The following RGS8 variants were observed in gnomAD, a reference collection of about 807,000 sequenced individuals.
RGS8 encodes regulator of G protein signaling 8.
RGS8 carries 8 observed loss-of-function variants against 21.7 expected under a neutral mutation model. The ratio of observed to expected loss-of-function variants is 0.37; its 90% CI spans 0.22 to 0.66. The LOEUF (loss-of-function observed/expected upper bound fraction) is 0.66, where lower values mean the gene tolerates loss of function less well. Among genes scored for constraint, RGS8 ranks in the 30% least tolerant of loss-of-function variants. The probability of loss-of-function intolerance (pLI) is 0.59; values close to 1 mark genes in which losing one functional copy is unlikely to be tolerated. For missense variants in RGS8, 157 were observed against 217.9 expected (o/e 0.72, Z 1.76); for synonymous variants, 80 against 83.6 (o/e 0.96, Z 0.24).
chr1:182,713,245 G>A, the RGS8 span, among the ~76,000 whole-genome samples: 50 of 152,298 alleles, frequency 3.3e-4, 1 homozygote, highest in East Asian at 9.1e-3. Context: ...GTGCAGTGGT[G>A]TGATCTCGGC....
intron 5 of RGS8, among the ~76,000 whole-genome samples, chr1:182,665,637 G>A (rs1031001188): frequency 5.3e-5 from 8 of 152,162 alleles, no homozygotes; most frequent in African/African-American, 1.7e-4. Context: ...AACAAGATCT[G>A]GCTGGAACCT....
At chr1:182,649,761 A>C (rs987786103) in intron 5 of RGS8, among the ~76,000 whole-genome samples, 5 of 152,340 alleles carry the variant, frequency 3.3e-5, no homozygotes, top group Admixed American at 6.5e-5. Flanking sequence ...ATCAAATAAC[A>C]GCTATAGTTT....
chr1:182,687,083 C>A (rs964560451), upstream of RGS8, among the ~76,000 whole-genome samples: 3 of 152,028 alleles, frequency 2.0e-5, no homozygotes, highest in African/African-American at 7.2e-5. Context: ...CAGTGCGTCT[C>A]AGACTTTAAG....
At chr1:182,704,846 A>T in the RGS8 span, among the ~76,000 whole-genome samples, 1 of 152,184 alleles carries the variant, frequency 6.6e-6, no homozygotes, top group African/African-American at 2.4e-5. Context: ...CCCAGGGCCA[A>T]CATTGTCACT....
At chr1:182,648,471 C>T (rs1044503988) in intron 5 of RGS8, among the ~76,000 whole-genome samples, 168 bp from the exon 7 acceptor site, 12 of 152,210 alleles carry the variant, frequency 7.9e-5, no homozygotes, top group African/African-American at 2.4e-4. Flanking sequence ...CAGTGGCTCA[C>T]GCCTGTAATC....
chr1:182,646,622 T>A, exon 7 of RGS8: 24 of 880,558 alleles, frequency 2.7e-5, no homozygotes, highest in Non-Finnish European at 4.2e-5. Flanking sequence ...ACCCCCAGCC[T>A]CCCACCCCCA....
chr1:182,674,980 C>A (rs1273852663), upstream of RGS8, among the ~76,000 whole-genome samples: 1 of 152,204 alleles, frequency 6.6e-6, no homozygotes, highest in Admixed American at 6.5e-5. Context: ...ACCCACCACT[C>A]CTCTCCAGAA....
exon 1 of RGS8, chr1:182,671,883 A>C (rs681111): frequency 4.0e-6 from 6 of 1,493,042 alleles, no homozygotes; most frequent in Non-Finnish European, 5.4e-6. Context: ...AAGCGGCCCC[A>C]CTGAAAGCTC....
At chr1:182,697,424 A>G in the RGS8 span, among the ~76,000 whole-genome samples, 1 of 152,262 alleles carries the variant, frequency 6.6e-6, no homozygotes, top group Non-Finnish European at 1.5e-5. Context: ...AACAAGAAGG[A>G]AATTCAGACC....
chr1:182,715,839 A>G, the RGS8 span, among the ~76,000 whole-genome samples: 1 of 152,152 alleles, frequency 6.6e-6, no homozygotes, highest in Non-Finnish European at 1.5e-5. Context: ...AGTGAAACAG[A>G]ATAATAATAC....
chr1:182,721,383 G>GTC, the RGS8 span, among the ~76,000 whole-genome samples: 1 of 152,094 alleles, frequency 6.6e-6, no homozygotes, highest in Non-Finnish European at 1.5e-5. Flanking sequence ...ATCTAGGGAT[G>GTC]TCATTAGAAA....
At chr1:182,738,257 C>T in the RGS8 span, among the ~76,000 whole-genome samples, 2 of 152,120 alleles carry the variant, frequency 1.3e-5, no homozygotes, top group South Asian at 2.1e-4. Context: ...GAAAAAGCAA[C>T]CTTGAACAGT....
the RGS8 span, among the ~76,000 whole-genome samples, chr1:182,736,810 C>G: frequency 4.6e-5 from 7 of 152,204 alleles, no homozygotes; most frequent in Non-Finnish European, 1.0e-4. Flanking sequence ...CTCTTTCCCG[C>G]TCTGCTCTTC....
upstream of RGS8, chr1:182,672,876 T>A: frequency 2.5e-6 from 4 of 1,613,002 alleles, no homozygotes; most frequent in Middle Eastern, 1.6e-4. Context: ...TCTTCCTGCT[T>A]GCCCTAGTGT....
upstream of RGS8, among the ~76,000 whole-genome samples, chr1:182,689,170 G>A (rs1030881978): frequency 1.3e-5 from 2 of 151,890 alleles, no homozygotes; most frequent in African/African-American, 4.8e-5. Context: ...TCAGAAACTA[G>A]ATGGCCTTTG....
At chr1:182,682,449 C>T (rs1018540815) in intron 1 of RGS8, among the ~76,000 whole-genome samples, 14 of 152,056 alleles carry the variant, frequency 9.2e-5, no homozygotes, top group South Asian at 2.1e-4. Context: ...TGAACTTCCT[C>T]GAGTTTTTTT....
upstream of RGS8, among the ~76,000 whole-genome samples, chr1:182,677,627 A>G (rs567240297): frequency 6.6e-6 from 1 of 152,338 alleles, no homozygotes; most frequent in African/African-American, 2.4e-5. Flanking sequence ...GCTGGGGGTT[A>G]CGTAAGTCTC....
chr1:182,740,357 C>A, the RGS8 span, among the ~76,000 whole-genome samples: 2 of 152,126 alleles, frequency 1.3e-5, no homozygotes, highest in Non-Finnish European at 2.9e-5. Context: ...TTATTCTGTT[C>A]TAGGCTCTGT....
At chr1:182,676,550 T>G (rs140278693), upstream of RGS8, among the ~76,000 whole-genome samples, 48 of 152,248 alleles carry the variant, frequency 3.2e-4, no homozygotes, top group African/African-American at 1.2e-3. Context: ...GGCCCAAAAT[T>G]CTACTTTAAA....
Sources: allele counts gnomAD v4.1 joint callset (sites outside exome capture counted in the v4.1 genomes callset), GRCh38; gene constraint gnomAD v4.1.1; transcripts MANE v1.5; gene names NCBI Gene and HGNC (gene_info 2026-07-23, HGNC 2026-07-21).